UBXN2B: variants seen among roughly 807,000 people sequenced by gnomAD.
The protein encoded by UBXN2B is UBX domain protein 2B, also known as UBX domain-containing protein 2B.
In UBXN2B, 19 loss-of-function variants were observed where a neutral mutation model predicts 37.5. The observed-to-expected ratio is 0.51, with a 90% CI of 0.35 to 0.74. UBXN2B has a LOEUF of 0.74. Ranked by LOEUF, UBXN2B falls within the 30% of genes least tolerant of loss-of-function variation. The probability of loss-of-function intolerance (pLI) is 0.01; values close to 1 mark genes in which losing one functional copy is unlikely to be tolerated. For missense variants in UBXN2B, 370 were observed against 393.2 expected, an observed-to-expected ratio of 0.94 and a Z score of 0.50; for synonymous variants, 145 against 143.8, an observed-to-expected ratio of 1.01 and a Z score of -0.06.
rs1807908490 is a variant in UBXN2B at position 58,420,935 on chromosome 8, C to CAT, written c.188+3983_188+3984dup. On this transcript the variant is annotated intron_variant, in intron 2 of 7. Coordinates refer to ENST00000399598, the MANE Select transcript of UBXN2B (RefSeq NM_001077619.2). ...AAAGGCATCCTGACATCAGGGAGGC[C>CAT]ATGTGCTTGCTATATGTAAAACTTG... Among the ~76,000 whole-genome samples, 3 of 152,266 alleles carry CAT rather than the reference C, an allele frequency of 2.0e-5. No individual in the cohort carries two copies. The South Asian group carries it at 6.2e-4, about 32-fold the overall frequency.
chr8:58,425,052 C>T, intron 2 of UBXN2B: 1 of 782,914 alleles, frequency 1.3e-6, no homozygotes, highest in Non-Finnish European at 2.4e-6. Flanking sequence ...GGTGCACCTC[C>T]TCCAGGAAGT....
chr8:58,423,682 G>T (rs188839823), intron 2 of UBXN2B, among the ~76,000 whole-genome samples: 3 of 151,540 alleles, frequency 2.0e-5, no homozygotes, highest in Admixed American at 2.0e-4. Flanking sequence ...TGATCCGCCA[G>T]CCTCGGCCTC....
intron 3 of UBXN2B, among the ~76,000 whole-genome samples, chr8:58,431,942 G>T (rs1808290695): frequency 6.6e-6 from 1 of 151,946 alleles, no homozygotes; most frequent in South Asian, 2.1e-4. Flanking sequence ...GGATTATTTT[G>T]TTACTGTTGA....
At position 58,430,689 on chromosome 8, in the gene UBXN2B, CTAAA is replaced by C; in HGVS notation, c.339+23_339+26del. 7.0e-7 allele frequency: 1 copy of C among 1,433,726 alleles called. No homozygotes were observed. The highest frequency in any genetic ancestry group is 1.8e-5 in the South Asian group (1 of 56,970). 88.8% of individuals were successfully genotyped at this position (1,433,726 alleles called of 1,614,324 possible). A position where few individuals can be genotyped will look rare whatever the true frequency, so the allele number is the denominator to read the frequency against. ...TCTAAGGTCAGTGCTCAATTTTAAA[CTAAA>C]TACATTGTTTCTATATTTTACCTCC... On this transcript the variant is annotated intron_variant, in intron 3 of 7. Coordinates refer to ENST00000399598, the MANE Select transcript of UBXN2B (RefSeq NM_001077619.2).
At position 58,448,581 on chromosome 8, in the gene UBXN2B, TCAA is replaced by T. The variant is rs74274677; in HGVS notation, c.*1033_*1035del. 29,373 of 152,278 alleles carry T rather than the reference TCAA, an allele frequency of 0.19. 2,932 individuals are homozygous for T. Among genetic ancestry groups the T allele is most frequent in the Middle Eastern group, 0.28 (82 of 294 alleles). 9.4% of individuals were successfully genotyped at this position (152,278 alleles called of 1,614,324 possible). The stretch of plus-strand genomic sequence containing the variant: ...GCGTTGATCACATTCATTTATTCAT[TCAA>T]CACATTTTTCTAGGAAACTCACTGT... On this transcript the variant is annotated 3_prime_UTR_variant, in exon 8 of 8. Coordinates refer to ENST00000399598, the MANE Select transcript of UBXN2B (RefSeq NM_001077619.2).
intron 3 of UBXN2B, 62 bp from the exon 4 acceptor site, chr8:58,433,098 A>ACAG: frequency 7.6e-7 from 1 of 1,322,584 alleles, no homozygotes; most frequent in Non-Finnish European, 1.1e-6. Context: ...AATACATATC[A>ACAG]CATAATAACT....
intron 1 of UBXN2B, among the ~76,000 whole-genome samples, chr8:58,414,066 G>T (rs59858156): frequency 6.6e-6 from 1 of 152,196 alleles, no homozygotes. Flanking sequence ...TATTGTTAGG[G>T]TTAGGATTGG....
rs555222683 is a variant in UBXN2B at position 58,431,088 on chromosome 8, A to G, written c.339+419A>G. Reference sequence around the variant, plus strand: ...AATCACCCAACTGAAACTCTCCTTCATAGCCTACCATTTGCACTCACACCC... The same window carrying G: ...AATCACCCAACTGAAACTCTCCTTCGTAGCCTACCATTTGCACTCACACCC... On this transcript the variant is annotated intron_variant, in intron 3 of 7. Transcript: ENST00000399598. 2.6e-5 allele frequency among the ~76,000 whole-genome samples: 4 copies of G among 152,310 alleles called. No individual in the cohort carries two copies. In the South Asian group the frequency reaches 6.2e-4, roughly 24 times the overall value.
intron 6 of UBXN2B, among the ~76,000 whole-genome samples, chr8:58,441,795 G>T (rs1396120666): frequency 6.6e-6 from 1 of 152,168 alleles, no homozygotes; most frequent in African/African-American, 2.4e-5. Context: ...GAGATCAGTG[G>T]TAATAATGCC....
chr8:58,413,858 T>C (rs1807704900), intron 1 of UBXN2B, among the ~76,000 whole-genome samples: 1 of 152,252 alleles, frequency 6.6e-6, no homozygotes, highest in East Asian at 1.9e-4. Context: ...GTGGGATTGT[T>C]AGTGGCAAAA....
chr8:58,443,672 G>T (rs1808606295), intron 6 of UBXN2B, among the ~76,000 whole-genome samples: 1 of 151,762 alleles, frequency 6.6e-6, no homozygotes, highest in Admixed American at 6.6e-5. Flanking sequence ...GCCGCATGTG[G>T]TGACAGGCAC....
intron 5 of UBXN2B, among the ~76,000 whole-genome samples, chr8:58,438,598 T>A (rs2129604464): frequency 6.6e-6 from 1 of 152,342 alleles, no homozygotes; most frequent in African/African-American, 2.4e-5. Context: ...TCTTTTGGAA[T>A]GGGAATGTTT....
intron 2 of UBXN2B, among the ~76,000 whole-genome samples, chr8:58,420,506 A>G (rs929481518): frequency 2.0e-5 from 3 of 152,222 alleles, no homozygotes; most frequent in Non-Finnish European, 4.4e-5. Context: ...TTCCCTTTAA[A>G]AGATTTATCA....
At position 58,449,797 on chromosome 8, in the gene UBXN2B, A is replaced by C. The variant is rs946699949; in HGVS notation, c.*2246A>C. On this transcript the variant is annotated 3_prime_UTR_variant, in exon 8 of 8. Coordinates refer to ENST00000399598, the MANE Select transcript of UBXN2B (RefSeq NM_001077619.2). ...TTCACAAAAGGTAGCACACGTTTGC[A>C]GCTGAGTATCAACTTATCAGTTTGT... 1.3e-5 allele frequency: 2 copies of C among 152,202 alleles called. No homozygotes were observed. The highest frequency in any genetic ancestry group is 4.8e-5 in the African/African-American group (2 of 41,446). 9.4% of individuals were successfully genotyped at this position (152,202 alleles called of 1,614,324 possible).
chr8:58,425,570 C>T (rs1808061137), intron 2 of UBXN2B: 1 of 1,060,772 alleles, frequency 9.4e-7, no homozygotes, highest in Non-Finnish European at 1.5e-6. Flanking sequence ...TGCCTTTTAC[C>T]CTCTTTTCGG....
At chr8:58,437,318 C>CTT (rs773987509) in intron 5 of UBXN2B, among the ~76,000 whole-genome samples, 1,757 of 74,222 alleles carry the variant, frequency 0.024, 227 homozygotes, top group East Asian at 0.076. Flanking sequence ...GAAGAAATTT[C>CTT]TTTTTTTTTT....
rs1292314399 is a variant in UBXN2B at position 58,439,634 on chromosome 8, G to A, written c.535G>A (p.Glu179Lys). The stretch of plus-strand genomic sequence containing the variant: ...ACTTTTTTCCCCCCTTTTTAAAAGA[G>A]AGATTCCCCTGGAGCTTCAGCGCCT... ...AQFLESVKRG[E>K]IPLELQRLVH... Residue 179 changes from glutamate (E) to lysine (K), a missense_variant and splice_region_variant, in exon 6 of 8, where the codon GAG (glutamate) becomes AAG (lysine). Glu to Lys is a moderately conservative substitution (Grantham distance 56). Coordinates refer to ENST00000399598, the MANE Select transcript of UBXN2B (RefSeq NM_001077619.2). 1.3e-6 allele frequency: 2 copies of A among 1,589,658 alleles called. No homozygotes were observed. Among genetic ancestry groups the A allele is most frequent in the Non-Finnish European group, 1.7e-6 (2 of 1,173,464 alleles).
At chr8:58,424,473 A>G (rs566758324) in intron 2 of UBXN2B, 1 of 592,054 alleles carries the variant, frequency 1.7e-6, no homozygotes, top group Admixed American at 3.0e-5. Flanking sequence ...ACCACAATGC[A>G]AGCCTTCCAA....
intron 6 of UBXN2B, among the ~76,000 whole-genome samples, chr8:58,442,127 T>C (rs1808565213): frequency 1.3e-5 from 2 of 152,224 alleles, no homozygotes; most frequent in African/African-American, 2.4e-5. Flanking sequence ...CAGTGCTTAC[T>C]TCCACCAAAC....
Sources: allele counts gnomAD v4.1 joint callset (sites outside exome capture counted in the v4.1 genomes callset), GRCh38; gene constraint gnomAD v4.1.1; transcripts MANE v1.5; gene names NCBI Gene and HGNC (gene_info 2026-07-23, HGNC 2026-07-21).